Variants in SDK1 observed in about 807,000 individuals in gnomAD.
The protein encoded by SDK1 is sidekick cell adhesion molecule 1.
SDK1 carries 157 observed loss-of-function variants against 245.5 expected under a neutral mutation model. The ratio of observed to expected loss-of-function variants is 0.64; its 90% CI spans 0.56 to 0.73. The LOEUF is 0.73. Among genes scored for constraint, SDK1 ranks in the 30% least tolerant of loss-of-function variants. The pLI is 0.00. For synonymous variants in SDK1, 1,647 were observed against 1,278.5 expected, an observed-to-expected ratio of 1.29 and a Z score of -6.15; for missense variants, 3,583 against 3,002.3, an observed-to-expected ratio of 1.19 and a Z score of -4.52.
chr7:3,810,790 T>C (rs1306775520), intron 4 of SDK1, among the ~76,000 whole-genome samples: 2 of 139,860 alleles, frequency 1.4e-5, no homozygotes, highest in African/African-American at 2.5e-5. Context: ...TTTCCAGCAC[T>C]AAAGTCTTGT....
rs75617779 is a variant in SDK1 at position 3,375,065 on chromosome 7, C to T, written c.298+73181C>T. 1.4e-3 allele frequency among the ~76,000 whole-genome samples: 215 copies of T among 152,134 alleles called. 4 individuals are homozygous for T. The East Asian group carries it at 0.03, about 21-fold the overall frequency. ...TTTTAAGCAAGTATTAGTTGAATAA[C>T]GTTTTACATGTTTAATGATGCTGCA... On this transcript the variant is annotated intron_variant, in intron 1 of 44. Transcript: ENST00000404826.
chr7:4,073,071 G>A (rs2128175350), intron 20 of SDK1, among the ~76,000 whole-genome samples: 1 of 152,314 alleles, frequency 6.6e-6, no homozygotes, highest in East Asian at 1.9e-4. Context: ...AATTATTTCT[G>A]AAGCTCCTCT....
chr7:4,210,191 C>A, intron 38 of SDK1, 29 bp downstream of exon 38: 2 of 1,505,950 alleles, frequency 1.3e-6, no homozygotes, highest in Admixed American at 2.3e-5. Flanking sequence ...GAGATGGGAG[C>A]GCGGGCCACA....
chr7:3,450,547 T>C (rs1020532102), intron 1 of SDK1, among the ~76,000 whole-genome samples: 3 of 152,136 alleles, frequency 2.0e-5, no homozygotes, highest in Non-Finnish European at 4.4e-5. Flanking sequence ...TTGGAACAAG[T>C]AGACTTGCAG....
intron 17 of SDK1, among the ~76,000 whole-genome samples, chr7:4,020,118 G>A (rs1786765989): frequency 6.6e-6 from 1 of 152,150 alleles, no homozygotes; most frequent in African/African-American, 2.4e-5. Flanking sequence ...CAGTCTCGGA[G>A]ACGCCGGGCA....
In SDK1 at chr7:4,178,559, C is replaced by T. The variant is rs757465563; in HGVS notation, c.5071C>T (p.Pro1691Ser). ...NIIGESPASA[P>S]VEVFVGEAAP... ...CATCGGCGAGAGCCCAGCCAGCGCG[C>T]CCGTGGAGGTCTTTGTCGGCGAGGC... The change falls in exon 35 of 45, where the codon CCC (proline) becomes TCC (serine). Residue 1691 changes from proline to serine, a missense_variant. Pro to Ser is a moderately conservative substitution (Grantham distance 74, BLOSUM62 -1). Coordinates refer to ENST00000404826, the MANE Select transcript of SDK1 (RefSeq NM_152744.4). 1.9e-6 allele frequency: 3 copies of T among 1,612,880 alleles called. No individual in the cohort carries two copies. Among genetic ancestry groups the T allele is most frequent in the East Asian group, 4.5e-5 (2 of 44,884 alleles).
At position 3,746,110 on chromosome 7, in the gene SDK1, C is replaced by G. The variant is rs186843304; in HGVS notation, c.714-75340C>G. On this transcript the variant is annotated intron_variant, in intron 4 of 44. Coordinates refer to ENST00000404826, the MANE Select transcript of SDK1 (RefSeq NM_152744.4). ...TAAGATATTGTGGGTTTGCTCCAGA[C>G]TACCCCAATTTGCAAATATTGCAAT... Among the ~76,000 whole-genome samples, 28 of 152,292 alleles carry G rather than the reference C, an allele frequency of 1.8e-4. No homozygotes were observed. The East Asian group carries it at 5.0e-3, about 27-fold the overall frequency.
intron 1 of SDK1, among the ~76,000 whole-genome samples, chr7:3,361,739 A>G (rs1780958894): frequency 6.6e-6 from 1 of 152,190 alleles, no homozygotes; most frequent in African/African-American, 2.4e-5. Flanking sequence ...TTGCAGGTTT[A>G]TTAGTGGGGA....
chr7:3,458,592 A>G (rs2128594061), intron 1 of SDK1, among the ~76,000 whole-genome samples: 1 of 152,126 alleles, frequency 6.6e-6, no homozygotes, highest in South Asian at 2.1e-4. Flanking sequence ...AAACAGAACC[A>G]TCTACAAGTA....
At chr7:3,424,372 A>C (rs1198649586) in intron 1 of SDK1, among the ~76,000 whole-genome samples, 2 of 152,208 alleles carry the variant, frequency 1.3e-5, no homozygotes, top group African/African-American at 4.8e-5. Flanking sequence ...CTGTGGAAAC[A>C]TATTCCTAAA....
intron 1 of SDK1, among the ~76,000 whole-genome samples, chr7:3,354,847 C>T (rs1193397678): frequency 6.6e-6 from 1 of 152,158 alleles, no homozygotes. Context: ...ACCAAGGAAA[C>T]GATTGGACTT....
At position 4,127,432 on chromosome 7, in the gene SDK1, A is replaced by G. The variant is rs760839457; in HGVS notation, c.3875A>G (p.Gln1292Arg). ...NVSAEAVSST[Q>R]ILLTWTSVPE... The stretch of plus-strand genomic sequence containing the variant: ...TCAGCCGAGGCTGTCAGCTCGACCC[A>G]GATTTTACTGACATGGACATCCGTG... The change falls in exon 26 of 45, where the codon CAG becomes CGG. Residue 1292 changes from glutamine to arginine, a missense_variant. Transcript: ENST00000404826. 1 of 1,614,118 alleles carries G rather than the reference A, an allele frequency of 6.2e-7. No individual in the cohort carries two copies. Among genetic ancestry groups the G allele is most frequent in the African/African-American group, 1.3e-5 (1 of 74,946 alleles).
At chr7:3,528,599 G>T (rs1019809661) in intron 1 of SDK1, among the ~76,000 whole-genome samples, 1 of 152,112 alleles carries the variant, frequency 6.6e-6, no homozygotes, top group African/African-American at 2.4e-5. Flanking sequence ...GAGAGATCAC[G>T]TAGGAGATTC....
Position 4,079,311 on chromosome 7 carries a change from G to A in SDK1, c.3203-152G>A. 3.0e-6 allele frequency: 3 copies of A among 993,652 alleles called. No homozygotes were observed. The South Asian group carries it at 4.6e-5, about 15-fold the overall frequency. The allele number at this position is 993,652 out of a possible 1,614,324, so 61.6% of individuals were successfully genotyped here. A position where few individuals can be genotyped will look rare whatever the true frequency, so the allele number is the denominator to read the frequency against. On this transcript the variant is annotated intron_variant, in intron 21 of 44. Coordinates refer to ENST00000404826, the MANE Select transcript of SDK1 (RefSeq NM_152744.4). Reference sequence around the variant, plus strand: ...CTGATCATGCCCCTGGGGAAGCTGTGCTGCTTCTCACCTTCATGGTTTTGA... The same window carrying A: ...CTGATCATGCCCCTGGGGAAGCTGTACTGCTTCTCACCTTCATGGTTTTGA...
intron 27 of SDK1, chr7:4,130,471 C>G (rs1784732726): frequency 4.5e-6 from 1 of 221,052 alleles, no homozygotes; most frequent in African/African-American, 2.3e-5. Context: ...CATCCCAGGA[C>G]CCCAGGGAAT....
At chr7:3,928,250 G>A (rs1779847499) in intron 5 of SDK1, among the ~76,000 whole-genome samples, 1 of 152,226 alleles carries the variant, frequency 6.6e-6, no homozygotes, top group Non-Finnish European at 1.5e-5. Flanking sequence ...TACAAGTGGA[G>A]TTTTTTCGGT....
At chr7:3,649,660 C>T (rs370763789) in intron 4 of SDK1, among the ~76,000 whole-genome samples, 74 of 152,228 alleles carry the variant, frequency 4.9e-4, no homozygotes, top group East Asian at 2.3e-3. Context: ...TTAATCTTCA[C>T]GGCAGCCCAG....
intron 5 of SDK1, among the ~76,000 whole-genome samples, chr7:3,837,162 A>C (rs887347124): frequency 3.9e-5 from 6 of 152,346 alleles, no homozygotes; most frequent in Admixed American, 3.3e-4. Flanking sequence ...AGCTCAGTCC[A>C]TAACGACTTA....
At chr7:3,499,141 T>A (rs977512105) in intron 1 of SDK1, among the ~76,000 whole-genome samples, 1 of 152,232 alleles carries the variant, frequency 6.6e-6, no homozygotes, top group Non-Finnish European at 1.5e-5. Flanking sequence ...ATTATTTGTT[T>A]GGAAAAACCT....
Sources: gnomAD v4.1 joint callset for allele counts (sites outside exome capture counted in the v4.1 genomes callset) on GRCh38, gnomAD v4.1.1 for gene constraint, MANE v1.5 for transcripts, NCBI Gene and HGNC (gene_info 2026-07-23, HGNC 2026-07-21) for gene names.